Variants in TENM2 observed in about 807,000 individuals in gnomAD.
The protein encoded by TENM2 is teneurin transmembrane protein 2.
In TENM2, 52 loss-of-function variants were observed where a neutral mutation model predicts 245.2. That is an observed-to-expected ratio of 0.21 (90% confidence interval 0.17 to 0.27). The LOEUF is 0.27. Among genes scored for constraint, TENM2 ranks in the 10% least tolerant of loss-of-function variants. TENM2 has a pLI of 1.00. For synonymous variants in TENM2, 1,363 were observed against 1,438.9 expected (o/e 0.95, Z 1.19); for missense variants, 3,046 against 3,666.8 (o/e 0.83, Z 4.37).
chr5:167,198,326 A>C, the TENM2 span, among the ~76,000 whole-genome samples: 2 of 152,238 alleles, frequency 1.3e-5, no homozygotes, highest in East Asian at 1.9e-4. Flanking sequence ...TTTGTTTTCA[A>C]AACTGCATCA....
At chr5:167,716,675 C>T (rs1759280299) in intron 2 of TENM2, among the ~76,000 whole-genome samples, 1 of 152,052 alleles carries the variant, frequency 6.6e-6, no homozygotes, top group Admixed American at 6.6e-5. Flanking sequence ...AAATAGAAGA[C>T]TGTTTTATGC....
At chr5:168,237,864 C>T (rs1051934179) in intron 25 of TENM2, among the ~76,000 whole-genome samples, 1 of 151,576 alleles carries the variant, frequency 6.6e-6, no homozygotes, top group African/African-American at 2.4e-5. Flanking sequence ...AATCCCAGGC[C>T]GGGCGCGGTG....
Position 168,235,438 on chromosome 5 carries a change from G to A in TENM2, c.5520+7308G>A, listed in dbSNP as rs1562316952. On this transcript the variant is annotated intron_variant, in intron 25 of 28. Coordinates refer to ENST00000518659, the Ensembl canonical transcript of TENM2. Reference sequence around the variant, plus strand: ...CTGTTTGGGATGATGATGTGGAAAAGTGGAAAAACCCTAATGGAGCTTATG... The same window carrying A: ...CTGTTTGGGATGATGATGTGGAAAAATGGAAAAACCCTAATGGAGCTTATG... Among the ~76,000 whole-genome samples the A allele has an allele frequency of 2.6e-5, 4 of 152,212 alleles. No homozygotes were observed. In the South Asian group the frequency reaches 8.3e-4, roughly 32 times the overall value.
chr5:167,465,502 A>T (rs927682437), intron 2 of TENM2, among the ~76,000 whole-genome samples: 2 of 152,280 alleles, frequency 1.3e-5, no homozygotes, highest in East Asian at 3.9e-4. Flanking sequence ...AGTATTATTA[A>T]TCTGATTTGA....
intron 5 of TENM2, among the ~76,000 whole-genome samples, chr5:168,039,443 C>A (rs1377912878): frequency 6.6e-6 from 1 of 152,120 alleles, no homozygotes; most frequent in Admixed American, 6.5e-5. Flanking sequence ...CTCTTAAAAT[C>A]CCAGACCATG....
chr5:167,765,977 A>T (rs1437863433), intron 2 of TENM2, among the ~76,000 whole-genome samples: 1 of 152,220 alleles, frequency 6.6e-6, no homozygotes, highest in Non-Finnish European at 1.5e-5. Context: ...CACTGTTGCA[A>T]CAGTGGGCAA....
At chr5:167,095,445 G>A in the TENM2 span, among the ~76,000 whole-genome samples, 3 of 152,092 alleles carry the variant, frequency 2.0e-5, no homozygotes, top group African/African-American at 4.8e-5. Flanking sequence ...AGGTGACAAC[G>A]GAAATGTAGG....
intron 4 of TENM2, among the ~76,000 whole-genome samples, chr5:167,988,318 C>T (rs1406380145): frequency 6.6e-6 from 1 of 152,154 alleles, no homozygotes; most frequent in Non-Finnish European, 1.5e-5. Flanking sequence ...CACTGTAAGC[C>T]AGGCTCTATT....
intron 2 of TENM2, among the ~76,000 whole-genome samples, chr5:167,754,515 G>C (rs575765770): frequency 6.6e-6 from 1 of 152,036 alleles, no homozygotes; most frequent in African/African-American, 2.4e-5. Flanking sequence ...ACAGGAATGC[G>C]CACATGGTTT....
intron 2 of TENM2, among the ~76,000 whole-genome samples, chr5:167,837,782 A>T (rs1769137072): frequency 6.7e-6 from 1 of 150,210 alleles, no homozygotes; most frequent in African/African-American, 2.4e-5. Context: ...ACTAGTTCCC[A>T]TGCTACCTGA....
At chr5:167,743,448 A>T (rs1656868124) in intron 2 of TENM2, among the ~76,000 whole-genome samples, 1 of 152,170 alleles carries the variant, frequency 6.6e-6, no homozygotes, top group Non-Finnish European at 1.5e-5. Flanking sequence ...TTCTTAAATG[A>T]TGTTTAGGGT....
chr5:167,313,986 A>C (rs1227810354), intron 1 of TENM2, among the ~76,000 whole-genome samples: 2 of 152,158 alleles, frequency 1.3e-5, no homozygotes, highest in Non-Finnish European at 2.9e-5. Flanking sequence ...ATGCTCAGCA[A>C]GACCCTCTAC....
At chr5:167,429,783 T>G (rs940762065) in intron 2 of TENM2, among the ~76,000 whole-genome samples, 1 of 151,942 alleles carries the variant, frequency 6.6e-6, no homozygotes, top group African/African-American at 2.4e-5. Context: ...ATTTTTATAT[T>G]TTTAGTACAG....
intron 26 of TENM2, among the ~76,000 whole-genome samples, chr5:168,245,698 G>A (rs771951396): frequency 3.9e-5 from 6 of 152,008 alleles, no homozygotes; most frequent in Non-Finnish European, 2.9e-5. Flanking sequence ...CTTGGTGCAG[G>A]TCCATTCCTT....
chr5:167,471,953 C>T (rs965850354), intron 2 of TENM2, among the ~76,000 whole-genome samples: 14 of 152,172 alleles, frequency 9.2e-5, no homozygotes, highest in African/African-American at 3.1e-4. Context: ...AGAATCTCTT[C>T]CTTGGTATGC....
At chr5:167,478,776 T>C (rs1323774888) in intron 2 of TENM2, among the ~76,000 whole-genome samples, 1 of 152,220 alleles carries the variant, frequency 6.6e-6, no homozygotes, top group Non-Finnish European at 1.5e-5. Context: ...CCTCTCTCGC[T>C]TTTATGATAT....
At chr5:167,708,111 A>G (rs1017187469) in intron 2 of TENM2, among the ~76,000 whole-genome samples, 3 of 152,128 alleles carry the variant, frequency 2.0e-5, no homozygotes, top group South Asian at 2.1e-4. Flanking sequence ...TCTGATTCCT[A>G]TTGATTGGTA....
chr5:167,513,109 C>T (rs769760544), intron 2 of TENM2, among the ~76,000 whole-genome samples: 17 of 152,130 alleles, frequency 1.1e-4, no homozygotes, highest in Middle Eastern at 3.2e-3. Flanking sequence ...ATCTGTAACT[C>T]TCATTCCATT....
At chr5:167,874,555 T>C (rs1773256980) in intron 2 of TENM2, among the ~76,000 whole-genome samples, 1 of 152,172 alleles carries the variant, frequency 6.6e-6, no homozygotes, top group African/African-American at 2.4e-5. Flanking sequence ...TTTCTCAATG[T>C]TCTGTCCTTC....
Sources: allele counts gnomAD v4.1 joint callset (sites outside exome capture counted in the v4.1 genomes callset), GRCh38; gene constraint gnomAD v4.1.1; transcripts MANE v1.5; gene names NCBI Gene and HGNC (gene_info 2026-07-23, HGNC 2026-07-21).